Variants in BCKDHB observed in about 807,000 individuals in gnomAD.
BCKDHB encodes 2-oxoisovalerate dehydrogenase subunit beta, mitochondrial.
Under a neutral mutation model 48.5 loss-of-function variants are expected in BCKDHB, and 41 were observed. That is an observed-to-expected ratio of 0.85 (90% CI 0.66 to 1.10). The LOEUF is 1.10. Ranked by LOEUF, BCKDHB falls within the 50% of genes least tolerant of loss-of-function variation. The pLI, the probability that BCKDHB is intolerant of heterozygous loss-of-function variation, is 0.00. For synonymous variants in BCKDHB, 201 were observed against 174.8 expected (o/e 1.15, Z -1.18); for missense variants, 496 against 494.2 (o/e 1.00, Z -0.03).
intron 8 of BCKDHB, among the ~76,000 whole-genome samples, chr6:80,217,978 C>A (rs1350111739): frequency 6.6e-6 from 1 of 152,134 alleles, no homozygotes; most frequent in Non-Finnish European, 1.5e-5. Context: ...GCAGATGGGC[C>A]AGCCTGAGCC....
At chr6:80,415,532 G>T in the BCKDHB span, among the ~76,000 whole-genome samples, 2 of 152,146 alleles carry the variant, frequency 1.3e-5, 1 homozygote, top group South Asian at 4.1e-4. Flanking sequence ...AAATAATCAT[G>T]TGGTTTTTGT....
the BCKDHB span, among the ~76,000 whole-genome samples, chr6:80,431,496 G>A: frequency 6.6e-6 from 1 of 152,150 alleles, no homozygotes. Flanking sequence ...TTATGAATCT[G>A]GGTGCTCCTG....
At chr6:80,351,645 C>CTT in the BCKDHB span, among the ~76,000 whole-genome samples, 325 of 121,998 alleles carry the variant, frequency 2.7e-3, 6 homozygotes, top group South Asian at 9.6e-3. Context: ...TTTTTTTTTT[C>CTT]TTTTTTTTTT....
At chr6:80,381,653 C>G in the BCKDHB span, among the ~76,000 whole-genome samples, 10 of 152,094 alleles carry the variant, frequency 6.6e-5, no homozygotes, top group South Asian at 1.9e-3. Flanking sequence ...AATTATGCTT[C>G]TTGTGGTTAT....
downstream of BCKDHB, among the ~76,000 whole-genome samples, chr6:80,349,807 T>C (rs964900650): frequency 1.3e-5 from 2 of 152,096 alleles, no homozygotes; most frequent in Non-Finnish European, 2.9e-5. Flanking sequence ...ACAAAAGATA[T>C]GGAGAGAACA....
the BCKDHB span, among the ~76,000 whole-genome samples, chr6:80,393,571 G>C: frequency 6.6e-6 from 1 of 152,152 alleles, no homozygotes; most frequent in South Asian, 2.1e-4. Context: ...CCAGAACCAT[G>C]AGCAACAAAT....
At chr6:80,257,125 C>T (rs1383323832) in intron 8 of BCKDHB, among the ~76,000 whole-genome samples, 7 of 152,028 alleles carry the variant, frequency 4.6e-5, no homozygotes, top group African/African-American at 7.2e-5. Context: ...AGCCTTTCAA[C>T]AAGTTAGTCT....
At chr6:80,454,927 C>G in the BCKDHB span, among the ~76,000 whole-genome samples, 1 of 152,204 alleles carries the variant, frequency 6.6e-6, no homozygotes. Flanking sequence ...TTTCAACACA[C>G]TATTCTGATT....
the BCKDHB span, among the ~76,000 whole-genome samples, chr6:80,378,170 G>A: frequency 6.6e-6 from 1 of 152,106 alleles, no homozygotes; most frequent in African/African-American, 2.4e-5. Context: ...TAATGGTTGA[G>A]ATTGGGCTTC....
chr6:80,442,676 C>T, the BCKDHB span, among the ~76,000 whole-genome samples: 2 of 152,088 alleles, frequency 1.3e-5, no homozygotes, highest in African/African-American at 4.8e-5. Context: ...ATCAGAGTCC[C>T]CTCACTGCCC....
the BCKDHB span, among the ~76,000 whole-genome samples, chr6:80,430,903 T>G: frequency 1.3e-5 from 2 of 152,182 alleles, no homozygotes; most frequent in Non-Finnish European, 2.9e-5. Context: ...TTCTTTCAAT[T>G]TTGGTGTTAG....
At chr6:80,314,482 A>T (rs1179099622) in intron 9 of BCKDHB, among the ~76,000 whole-genome samples, 1 of 152,012 alleles carries the variant, frequency 6.6e-6, no homozygotes, top group African/African-American at 2.4e-5. Context: ...GCTGTCTTAG[A>T]GAGAAATTAG....
the BCKDHB span, among the ~76,000 whole-genome samples, chr6:80,398,177 G>A: frequency 6.6e-6 from 1 of 151,668 alleles, no homozygotes. Context: ...AAAAATTAGG[G>A]AAGCCAGAGC....
At chr6:80,334,939 C>G (rs944165900) in intron 9 of BCKDHB, among the ~76,000 whole-genome samples, 1 of 151,608 alleles carries the variant, frequency 6.6e-6, no homozygotes, top group Non-Finnish European at 1.5e-5. Flanking sequence ...CTTTCAAAAA[C>G]TGTCTGGCTT....
chr6:80,203,549 G>T (rs1006341615), intron 8 of BCKDHB, among the ~76,000 whole-genome samples: 1 of 152,022 alleles, frequency 6.6e-6, no homozygotes, highest in Non-Finnish European at 1.5e-5. Flanking sequence ...ATTAGTTATG[G>T]TTCAGTAAGC....
the BCKDHB span, among the ~76,000 whole-genome samples, chr6:80,396,137 G>A: frequency 6.6e-6 from 1 of 151,966 alleles, no homozygotes; most frequent in African/African-American, 2.4e-5. Context: ...CCCCACTGGG[G>A]TATTGACTAG....
chr6:80,130,665 G>GC (rs1255084474), intron 3 of BCKDHB, among the ~76,000 whole-genome samples: 1 of 152,088 alleles, frequency 6.6e-6, no homozygotes, highest in African/African-American at 2.4e-5. Context: ...CAAAAGTAAT[G>GC]CATATACATT....
the BCKDHB span, among the ~76,000 whole-genome samples, chr6:80,455,981 T>C: frequency 0.025 from 3,844 of 152,098 alleles, 159 homozygotes; most frequent in African/African-American, 0.088. Flanking sequence ...TCCCAGCACT[T>C]TGGGAGGCTG....
At chr6:80,193,485 G>A (rs1007916376) in intron 6 of BCKDHB, among the ~76,000 whole-genome samples, 9 of 152,094 alleles carry the variant, frequency 5.9e-5, no homozygotes, top group Non-Finnish European at 1.2e-4. Flanking sequence ...TTGGGAGGCC[G>A]AGGCTGACGA....
Sources: allele counts gnomAD v4.1 joint callset (sites outside exome capture counted in the v4.1 genomes callset), GRCh38; gene constraint gnomAD v4.1.1; transcripts MANE v1.5; gene names NCBI Gene and HGNC (gene_info 2026-07-23, HGNC 2026-07-21).